SNTB1: variants seen among roughly 807,000 people sequenced by gnomAD.
SNTB1 encodes syntrophin beta 1.
A neutral mutation model predicts 48.9 loss-of-function variants in SNTB1; 36 were observed. The observed-to-expected ratio is 0.74, with a 90% CI of 0.56 to 0.97. The LOEUF (loss-of-function observed/expected upper bound fraction) is 0.97, where lower values mean the gene tolerates loss of function less well. Among genes scored for constraint, SNTB1 ranks in the 50% least tolerant of loss-of-function variants. The pLI is 0.00. For synonymous variants in SNTB1, 299 were observed against 294.6 expected (o/e 1.01, Z -0.15); for missense variants, 786 against 703.4 (o/e 1.12, Z -1.33).
intron 2 of SNTB1, among the ~76,000 whole-genome samples, chr8:120,651,070 A>T (rs376000933): frequency 8.5e-5 from 13 of 152,210 alleles, no homozygotes; most frequent in African/African-American, 3.1e-4. Flanking sequence ...TCACAGTGCC[A>T]TGCTCATCTT....
chr8:120,557,282 C>T (rs760582317), intron 4 of SNTB1, among the ~76,000 whole-genome samples: 22 of 152,296 alleles, frequency 1.4e-4, no homozygotes, highest in Middle Eastern at 3.4e-3. Flanking sequence ...TAAGAATATT[C>T]TCCCCTCAAA....
At chr8:120,623,366 T>G (rs1041863948) in intron 3 of SNTB1, among the ~76,000 whole-genome samples, 21 of 152,240 alleles carry the variant, frequency 1.4e-4, no homozygotes, top group African/African-American at 4.1e-4. Flanking sequence ...GCTAGTTCTC[T>G]TATCAGCTGG....
chr8:120,577,351 C>T (rs1815967371), intron 3 of SNTB1, among the ~76,000 whole-genome samples: 1 of 152,156 alleles, frequency 6.6e-6, no homozygotes, highest in Non-Finnish European at 1.5e-5. Flanking sequence ...TAAAAGCTAG[C>T]TTTAGCTTGT....
At chr8:120,651,764 G>A (rs995646698) in intron 2 of SNTB1, among the ~76,000 whole-genome samples, 11 of 152,144 alleles carry the variant, frequency 7.2e-5, no homozygotes, top group African/African-American at 2.4e-4. Context: ...AAACTCAAGA[G>A]TGAAAACTAA....
intron 1 of SNTB1, among the ~76,000 whole-genome samples, chr8:120,785,626 C>A (rs1819911562): frequency 6.6e-6 from 1 of 152,216 alleles, no homozygotes; most frequent in South Asian, 2.1e-4. Context: ...ACCTGGCCCC[C>A]ATGTGGCTTT....
At chr8:120,542,448 G>A (rs913611209) in intron 5 of SNTB1, among the ~76,000 whole-genome samples, 5 of 152,172 alleles carry the variant, frequency 3.3e-5, no homozygotes, top group Non-Finnish European at 7.3e-5. Context: ...GAGGTCAGGA[G>A]TTCGAGACCA....
intron 1 of SNTB1, among the ~76,000 whole-genome samples, chr8:120,753,418 C>A (rs550917458): frequency 2.0e-5 from 3 of 152,282 alleles, no homozygotes; most frequent in Non-Finnish European, 4.4e-5. Context: ...CCAACAAAAT[C>A]CAATCTCCAG....
chr8:120,660,175 G>C (rs1406235200), intron 2 of SNTB1, among the ~76,000 whole-genome samples: 1 of 152,210 alleles, frequency 6.6e-6, no homozygotes, highest in Non-Finnish European at 1.5e-5. Flanking sequence ...CTTAACAAGA[G>C]AGTCAGCCTG....
At position 120,537,528 on chromosome 8, in the gene SNTB1, G is replaced by T. The variant is rs768846313; in HGVS notation, c.*1349C>A. 5 of 152,138 alleles carry T rather than the reference G, an allele frequency of 3.3e-5. No individual in the cohort carries two copies. The highest frequency in any genetic ancestry group is 1.3e-4 in the Admixed American group (2 of 15,280). 9.4% of individuals were successfully genotyped at this position (152,138 alleles called of 1,614,324 possible). ...TTTCACTTTTTGAAGCTCTTTGCAT[G>T]GGTATTTGTTAACATATGATTCTTT... On this transcript the variant is annotated 3_prime_UTR_variant, in exon 7 of 7. Transcript: ENST00000517992.
chr8:120,689,559 G>A lies in SNTB1; in HGVS notation c.788+4133C>T, dbSNP rs535554520. ...TCTTGCTTAAATTCACATATAAGGG[G>A]TAGAACTAAGATTCCACTGTGGGTC... is the stretch of plus-strand genomic sequence containing the variant. On this transcript the variant is annotated intron_variant, in intron 2 of 6. Coordinates refer to ENST00000517992, the MANE Select transcript of SNTB1 (RefSeq NM_021021.4). Among the ~76,000 whole-genome samples the A allele has an allele frequency of 3.9e-5, 6 of 152,242 alleles. No homozygotes were observed. In the South Asian group the frequency reaches 1.0e-3, roughly 26 times the overall value.
At chr8:120,560,647 A>G (rs1439310582) in intron 4 of SNTB1, among the ~76,000 whole-genome samples, 1 of 152,202 alleles carries the variant, frequency 6.6e-6, no homozygotes, top group Non-Finnish European at 1.5e-5. Context: ...CTTGGAGTCA[A>G]TTCCTGACTA....
intron 1 of SNTB1, among the ~76,000 whole-genome samples, chr8:120,714,135 A>C (rs1440496157): frequency 6.6e-6 from 1 of 152,228 alleles, no homozygotes; most frequent in Non-Finnish European, 1.5e-5. Context: ...AGTTGGATTT[A>C]GTCTACCAGA....
chr8:120,674,081 T>G (rs1347515125), intron 2 of SNTB1, among the ~76,000 whole-genome samples: 1 of 152,142 alleles, frequency 6.6e-6, no homozygotes, highest in African/African-American at 2.4e-5. Context: ...AAGGAGAGTT[T>G]TTTTCATTTA....
rs1338624431 is a variant in SNTB1 at position 120,660,855 on chromosome 8, T to C, written c.789-28204A>G. Among the ~76,000 whole-genome samples, 8 of 152,156 alleles carry C rather than the reference T, an allele frequency of 5.3e-5. No individual in the cohort carries two copies. The East Asian group carries it at 1.5e-3, about 29-fold the overall frequency. ...GGTATTCACTGGCCTAATTTCAAGA[T>C]TGTTATGTCACAGGGAACACGGAGA... On this transcript the variant is annotated intron_variant, in intron 2 of 6. Transcript: ENST00000517992.
At chr8:120,779,314 C>T (rs1819791218) in intron 1 of SNTB1, among the ~76,000 whole-genome samples, 1 of 152,094 alleles carries the variant, frequency 6.6e-6, no homozygotes, top group South Asian at 2.1e-4. Flanking sequence ...ACCATACTGG[C>T]CAACATGGTG....
chr8:120,800,083 C>T (rs1057455623), intron 1 of SNTB1, among the ~76,000 whole-genome samples: 1 of 152,052 alleles, frequency 6.6e-6, no homozygotes, highest in African/African-American at 2.4e-5. Context: ...AAAGATGTTA[C>T]TACATCTTCC....
intron 1 of SNTB1, among the ~76,000 whole-genome samples, chr8:120,723,433 A>G (rs1818702661): frequency 6.6e-6 from 1 of 152,234 alleles, no homozygotes; most frequent in Non-Finnish European, 1.5e-5. Context: ...TTTGAAGGCA[A>G]AAAACGTGGC....
intron 3 of SNTB1, among the ~76,000 whole-genome samples, chr8:120,629,561 A>G (rs768791840): frequency 6.6e-6 from 1 of 152,360 alleles, no homozygotes; most frequent in Middle Eastern, 3.4e-3. Flanking sequence ...TTGTGATACT[A>G]TAAGAAAGGC....
intron 4 of SNTB1, among the ~76,000 whole-genome samples, chr8:120,560,478 G>A (rs766083806): frequency 3.6e-4 from 55 of 151,992 alleles, no homozygotes; most frequent in African/African-American, 7.3e-4. Context: ...GCGAGACTTC[G>A]TCTCAAAATA....
Sources: allele counts gnomAD v4.1 joint callset (sites outside exome capture counted in the v4.1 genomes callset), GRCh38; gene constraint gnomAD v4.1.1; transcripts MANE v1.5; gene names NCBI Gene and HGNC (gene_info 2026-07-23, HGNC 2026-07-21).